Variants in EVA1A observed in about 807,000 individuals in gnomAD.
The protein encoded by EVA1A is protein eva-1 homolog A.
In EVA1A, 7 loss-of-function variants were observed where a neutral mutation model predicts 9.8. The observed-to-expected ratio is 0.71, with a 90% CI of 0.41 to 1.34. The LOEUF is 1.34. Among genes scored for constraint, EVA1A ranks in the 40% most tolerant of loss-of-function variants. The probability of loss-of-function intolerance (pLI) is 0.01; values close to 1 mark genes in which losing one functional copy is unlikely to be tolerated. For missense variants in EVA1A, 206 were observed against 205.9 expected (o/e 1.00, Z 0.00); for synonymous variants, 90 against 85.6 (o/e 1.05, Z -0.28).
intron 1 of EVA1A, among the ~76,000 whole-genome samples, chr2:75,550,043 A>G (rs1036407491): frequency 3.3e-5 from 5 of 152,186 alleles, no homozygotes; most frequent in African/African-American, 1.2e-4. Flanking sequence ...AAAGAATCTT[A>G]AGTATGAAAA....
chr2:75,507,425 C>T (rs1205808351), intron 3 of EVA1A, among the ~76,000 whole-genome samples: 2 of 152,092 alleles, frequency 1.3e-5, no homozygotes, highest in Non-Finnish European at 2.9e-5. Context: ...AGAGGTCTTC[C>T]CAGGTTTCCA....
intron 3 of EVA1A, among the ~76,000 whole-genome samples, chr2:75,501,421 T>G (rs1478086374): frequency 6.6e-6 from 1 of 152,226 alleles, no homozygotes; most frequent in African/African-American, 2.4e-5. Context: ...ATAAAAATTC[T>G]ACATATTGTG....
chr2:75,544,324 G>A (rs978435616), intron 1 of EVA1A, among the ~76,000 whole-genome samples: 9 of 152,280 alleles, frequency 5.9e-5, no homozygotes, highest in Middle Eastern at 3.4e-3. Flanking sequence ...TTATAAAGAC[G>A]TAATACTAAA....
At chr2:75,509,558 T>C (rs1437631158) in intron 3 of EVA1A, among the ~76,000 whole-genome samples, 2 of 152,192 alleles carry the variant, frequency 1.3e-5, no homozygotes, top group Admixed American at 6.5e-5. Flanking sequence ...AATGCTCCTA[T>C]AGATAGCATA....
intron 3 of EVA1A, 137 bp downstream of exon 3, chr2:75,517,918 AG>A: frequency 9.9e-7 from 1 of 1,010,152 alleles, no homozygotes; most frequent in Non-Finnish European, 1.5e-6. Context: ...TTCATCTCAA[AG>A]CTCAGCAAAG....
intron 3 of EVA1A, among the ~76,000 whole-genome samples, chr2:75,510,962 T>C (rs976868835): frequency 1.3e-5 from 2 of 152,344 alleles, no homozygotes; most frequent in South Asian, 4.1e-4. Flanking sequence ...CATTTGTGCA[T>C]TGTCTATGTC....
chr2:75,498,201 C>T (rs1041298460), intron 3 of EVA1A, among the ~76,000 whole-genome samples: 3 of 150,808 alleles, frequency 2.0e-5, no homozygotes, highest in African/African-American at 7.5e-5. Flanking sequence ...CAGCTGAAGG[C>T]CATTATCTTA....
At chr2:75,549,195 C>T (rs899839441) in intron 1 of EVA1A, among the ~76,000 whole-genome samples, 2 of 151,848 alleles carry the variant, frequency 1.3e-5, no homozygotes, top group African/African-American at 4.8e-5. Flanking sequence ...ATGTATACAG[C>T]CCTGTGCACT....
chr2:75,518,619 C>A (rs778970227), intron 2 of EVA1A: 37 of 988,248 alleles, frequency 3.7e-5, no homozygotes, highest in Admixed American at 5.9e-5. Flanking sequence ...TTCCTAATTC[C>A]CAGTAAACAA....
intron 1 of EVA1A, among the ~76,000 whole-genome samples, chr2:75,531,449 G>C (rs1355066323): frequency 6.6e-6 from 1 of 152,100 alleles, no homozygotes; most frequent in African/African-American, 2.4e-5. Flanking sequence ...ACTTGCACAT[G>C]AATGTTTGTA....
intron 2 of EVA1A, among the ~76,000 whole-genome samples, chr2:75,519,964 T>C (rs1408807535): frequency 1.3e-5 from 2 of 152,156 alleles, no homozygotes; most frequent in African/African-American, 4.8e-5. Flanking sequence ...CATTTTTCTA[T>C]AGTACAAATA....
chr2:75,544,038 A>G (rs1254119813), intron 1 of EVA1A, among the ~76,000 whole-genome samples: 8 of 152,254 alleles, frequency 5.3e-5, no homozygotes, highest in Non-Finnish European at 7.3e-5. Flanking sequence ...CATAGACCCC[A>G]GTGGTTTACA....
chr2:75,559,699 G>GT (rs1196524061), intron 1 of EVA1A, among the ~76,000 whole-genome samples: 1 of 122,136 alleles, frequency 8.2e-6, no homozygotes, highest in East Asian at 2.9e-4. Context: ...AAAGGAGGTG[G>GT]GGGGGGGGCG....
chr2:75,499,214 G>A lies in EVA1A; in HGVS notation c.86-5605C>T, dbSNP rs553771588. Among the ~76,000 whole-genome samples the A allele has an allele frequency of 2.6e-5, 4 of 152,276 alleles. No homozygotes were observed. In the East Asian group the frequency reaches 7.7e-4, roughly 29 times the overall value. Reference sequence around the variant, plus strand: ...TTGCCTTTCTTTTGTAAAGTGGGAGGAAGGCACTCTCATTTATTAGTTAAA... The same window carrying A: ...TTGCCTTTCTTTTGTAAAGTGGGAGAAAGGCACTCTCATTTATTAGTTAAA... On this transcript the variant is annotated intron_variant, in intron 3 of 3. Transcript: ENST00000393913.
At chr2:75,554,752 T>G (rs1385525359) in intron 1 of EVA1A, among the ~76,000 whole-genome samples, 2 of 152,136 alleles carry the variant, frequency 1.3e-5, no homozygotes, top group Admixed American at 6.5e-5. Context: ...CCCCAGGTTA[T>G]AATTGATCTC....
chr2:75,510,478 A>G (rs904676068), intron 3 of EVA1A, among the ~76,000 whole-genome samples: 5 of 152,100 alleles, frequency 3.3e-5, no homozygotes, highest in African/African-American at 1.2e-4. Flanking sequence ...ATTCGTGACT[A>G]TCATCAATTA....
In EVA1A at chr2:75,527,349, G is replaced by A. The variant is rs565213345; in HGVS notation, c.-191-4862C>T. Among the ~76,000 whole-genome samples the A allele has an allele frequency of 1.8e-4, 28 of 152,228 alleles. 1 individual carries two copies. The South Asian group carries it at 5.8e-3, about 32-fold the overall frequency. The stretch of plus-strand genomic sequence containing the variant: ...TTGCTAGTAATGAGCTACCTTCCCT[G>A]GCAATATCAGTAAGGACTACATGGG... On this transcript the variant is annotated intron_variant, in intron 1 of 3. Coordinates refer to ENST00000393913, the MANE Select transcript of EVA1A (RefSeq NM_001135032.2).
intron 3 of EVA1A, among the ~76,000 whole-genome samples, chr2:75,504,987 T>G (rs748302357): frequency 6.6e-6 from 1 of 152,116 alleles, no homozygotes; most frequent in Non-Finnish European, 1.5e-5. Flanking sequence ...ATTCACTCAT[T>G]TCATCCCCTT....
rs1203547809 is a variant in EVA1A, at chr2:75,492,756, TTAAA to T, written c.*476_*479del. The T allele has an allele frequency of 6.5e-6, 1 of 153,962 alleles. No homozygotes were observed. Among genetic ancestry groups the T allele is most frequent in the Non-Finnish European group, 1.4e-5 (1 of 69,060 alleles). 9.5% of individuals were successfully genotyped at this position (153,962 alleles called of 1,614,324 possible). On this transcript the variant is annotated 3_prime_UTR_variant, in exon 4 of 4. Coordinates refer to ENST00000393913, the MANE Select transcript of EVA1A (RefSeq NM_001135032.2). ...CAACACAAGATTTTAAAAATCAGCC[TTAAA>T]TAATAAGCATGGATCATGCTATTTG...
Sources: gnomAD v4.1 joint callset for allele counts (sites outside exome capture counted in the v4.1 genomes callset) on GRCh38, gnomAD v4.1.1 for gene constraint, MANE v1.5 for transcripts, NCBI Gene and HGNC (gene_info 2026-07-23, HGNC 2026-07-21) for gene names.